Variants in OLAH observed in about 807,000 individuals in gnomAD.
The protein encoded by OLAH is S-acyl fatty acid synthase thioesterase, medium chain.
A neutral mutation model predicts 27.8 loss-of-function variants in OLAH; 33 were observed. The observed-to-expected ratio is 1.19, with a 90% CI of 0.90 to 1.59. OLAH has a LOEUF of 1.59. Ranked by LOEUF, OLAH falls within the 40% of genes most tolerant of loss-of-function variation. OLAH has a pLI of 0.00. For missense variants in OLAH, 359 were observed against 310.8 expected (o/e 1.16, Z -1.17); for synonymous variants, 120 against 102.9 (o/e 1.17, Z -1.01).
intron 1 of OLAH, among the ~76,000 whole-genome samples, chr10:15,036,627 C>G (rs1843844442): frequency 6.6e-6 from 1 of 152,122 alleles, no homozygotes; most frequent in Admixed American, 6.6e-5. Flanking sequence ...GTAGCTGGGA[C>G]TACAGGTGCA....
At chr10:15,072,812 C>T (rs551230767) in intron 7 of OLAH, among the ~76,000 whole-genome samples, 3 of 151,720 alleles carry the variant, frequency 2.0e-5, no homozygotes, top group East Asian at 3.9e-4. Context: ...GAGTTTGGAA[C>T]GTTTCTGGTT....
Position 15,061,725 on chromosome 10 carries a change from G to A in OLAH, c.165G>A (p.Val55=), listed in dbSNP as rs1256168330. The change falls in exon 4 of 8, where the codon GTG becomes GTA. Residue 55 remains valine (V), a splice_region_variant and synonymous_variant. Transcript: ENST00000378228. ...TCACTTGTGTTTCTCCATCTCCAGT[G>A]CACTCCTTAAGGCTTCCTGGAAGAG... ...WGQDTHDLLE[V]HSLRLPGRES... is the part of the protein sequence containing the mutation. The A allele has an allele frequency of 6.2e-7, 1 of 1,605,234 alleles. No homozygotes were observed. The highest frequency in any genetic ancestry group is 1.1e-5 in the South Asian group (1 of 89,510).
chr10:15,038,022 T>C (rs1589234526), intron 1 of OLAH, among the ~76,000 whole-genome samples: 2 of 152,340 alleles, frequency 1.3e-5, no homozygotes, highest in Admixed American at 6.5e-5. Context: ...CCCAACACCC[T>C]GGGAACCCAC....
At chr10:15,043,074 G>C (rs12573070), upstream of OLAH, among the ~76,000 whole-genome samples, 12 of 151,678 alleles carry the variant, frequency 7.9e-5, no homozygotes, top group Admixed American at 3.9e-4. Context: ...GTTAGCCAGG[G>C]TGGTCTCAGT....
In OLAH at chr10:15,065,613, T is replaced by C. The variant is rs1564534255; in HGVS notation, c.432T>C (p.Asp144=). 6.2e-7 allele frequency: 1 copy of C among 1,612,204 alleles called. No homozygotes were observed. Among genetic ancestry groups the C allele is most frequent in the Admixed American group, 1.7e-5 (1 of 59,450 alleles). Residue 144 remains aspartate, a synonymous_variant, in exon 6 of 8, where the codon GAT becomes GAC. Coordinates refer to ENST00000378228, the MANE Select transcript of OLAH (RefSeq NM_001039702.3). ...AGGCCTGGCATCGCATTCCCAAAGA[T>C]GATGAATTGTCAGAAGAACAAATAA... ...HSKAWHRIPK[D]DELSEEQISH... is the part of the protein sequence containing the mutation.
chr10:15,056,869 G>T, intron 3 of OLAH: 1 of 1,527,570 alleles, frequency 6.5e-7, no homozygotes, highest in South Asian at 1.2e-5. Context: ...AAACTCCGGC[G>T]CTCAAGTGAT....
upstream of OLAH, among the ~76,000 whole-genome samples, chr10:15,039,286 C>T (rs969939460): frequency 3.9e-5 from 6 of 151,970 alleles, no homozygotes; most frequent in Non-Finnish European, 8.8e-5. Flanking sequence ...CCCTAGAAGA[C>T]TGCATGTGTG....
chr10:15,070,435 A>G (rs1019964960), intron 6 of OLAH, among the ~76,000 whole-genome samples: 1 of 152,136 alleles, frequency 6.6e-6, no homozygotes, highest in African/African-American at 2.4e-5. Context: ...ATTTGTCCCA[A>G]TACTCCACTT....
intron 6 of OLAH, among the ~76,000 whole-genome samples, chr10:15,066,600 TTTTA>T (rs1006624263): frequency 2.5e-4 from 38 of 149,742 alleles, no homozygotes; most frequent in African/African-American, 9.3e-4. Context: ...TCTTTCCTAT[TTTTA>T]TTTTATTTAT....
chr10:15,044,310 G>A (rs1843973837), intron 1 of OLAH, among the ~76,000 whole-genome samples: 1 of 152,038 alleles, frequency 6.6e-6, no homozygotes, highest in South Asian at 2.1e-4. Context: ...CTAAGGGCTA[G>A]CCTGAGAAAT....
intron 6 of OLAH, among the ~76,000 whole-genome samples, chr10:15,066,622 T>C: frequency 2.2e-5 from 1 of 45,258 alleles, no homozygotes; most frequent in Non-Finnish European, 4.3e-5. Context: ...TATTTATTTA[T>C]TTATTTATTT....
chr10:15,047,202 G>C lies in OLAH; in HGVS notation c.-87G>C, dbSNP rs1449945093. ...TCTTCTGTGTGCATAAGGCCGAGCA[G>C]AGGTTCTTCGTCTCAAGAGGAACTG... is the stretch of plus-strand genomic sequence containing the variant. On this transcript the variant is annotated 5_prime_UTR_variant, in exon 2 of 8. Coordinates refer to ENST00000378228, the MANE Select transcript of OLAH (RefSeq NM_001039702.3). 15 of 1,385,556 alleles carry C rather than the reference G, an allele frequency of 1.1e-5. No individual in the cohort carries two copies. The East Asian group carries it at 2.6e-4, about 24-fold the overall frequency. The allele number at this position is 1,385,556 out of a possible 1,614,324, so 85.8% of individuals were successfully genotyped here.
chr10:15,046,323 TATAAATAAATAA>T (rs113256684), intron 1 of OLAH, among the ~76,000 whole-genome samples: 53 of 149,152 alleles, frequency 3.6e-4, no homozygotes, highest in African/African-American at 1.1e-3. Flanking sequence ...CTCAAAAAAA[TATAAATAAATAA>T]ATAAATAAAT....
rs141945357 is a variant in OLAH at position 15,065,754 on chromosome 10, G to A, written c.572+1G>A. 1.9e-5 allele frequency: 30 copies of A among 1,582,796 alleles called. No individual in the cohort carries two copies. The highest frequency in any genetic ancestry group is 1.7e-4 in the Middle Eastern group (1 of 5,886). ...ATCTGAACATTGTTAGAAGTTGCAC[G>A]TAAGTAACAGAAACAAGGTTTTTTC... On this transcript the variant is annotated splice_donor_variant, in intron 6 of 7. Coordinates refer to ENST00000378228, the MANE Select transcript of OLAH (RefSeq NM_001039702.3). LOFTEE classifies it high-confidence loss of function.
At chr10:15,047,095 C>T in intron 1 of OLAH, 31 bp from the exon 2 acceptor site, 2 of 479,960 alleles carry the variant, frequency 4.2e-6, no homozygotes, top group Non-Finnish European at 7.4e-6. Context: ...CTTCTCCTTC[C>T]TTTTCCTCTG....
intron 1 of OLAH, among the ~76,000 whole-genome samples, chr10:15,037,915 C>T (rs1057486488): frequency 3.3e-5 from 5 of 152,204 alleles, no homozygotes; most frequent in African/African-American, 1.2e-4. Flanking sequence ...GAGCCACAGG[C>T]CAGGAACGCT....
At chr10:15,050,285 T>A (rs1170187759) in intron 3 of OLAH, among the ~76,000 whole-genome samples, 1 of 152,174 alleles carries the variant, frequency 6.6e-6, no homozygotes, top group Non-Finnish European at 1.5e-5. Context: ...TTATTGTTTT[T>A]GAGTCAGAGT....
upstream of OLAH, among the ~76,000 whole-genome samples, chr10:15,041,578 A>AT (rs75974283): frequency 1.0e-4 from 14 of 135,776 alleles, no homozygotes; most frequent in Admixed American, 1.5e-4. Flanking sequence ...ATACCCAGCC[A>AT]TTTTTTTTTT....
chr10:15,054,799 C>G (rs1449093145), intron 3 of OLAH, among the ~76,000 whole-genome samples: 1 of 152,184 alleles, frequency 6.6e-6, no homozygotes, highest in South Asian at 2.1e-4. Context: ...TAATCCATTT[C>G]TGTCCACTAT....
Sources: gnomAD v4.1 joint callset for allele counts (sites outside exome capture counted in the v4.1 genomes callset) on GRCh38, gnomAD v4.1.1 for gene constraint, MANE v1.5 for transcripts, NCBI Gene and HGNC (gene_info 2026-07-23, HGNC 2026-07-21) for gene names.